The following NFIB variants were observed in gnomAD, a reference collection of about 807,000 sequenced individuals.
NFIB encodes the protein nuclear factor 1 B-type.
A neutral mutation model predicts 61.5 loss-of-function variants in NFIB; 11 were observed. The observed-to-expected ratio is 0.18, with a 90% CI of 0.11 to 0.30. The LOEUF (loss-of-function observed/expected upper bound fraction) is 0.30, where lower values mean the gene tolerates loss of function less well. Among genes scored for constraint, NFIB ranks in the 10% least tolerant of loss-of-function variants. The pLI is 1.00. For missense variants in NFIB, 471 were observed against 608.9 expected (o/e 0.77, Z 2.38); for synonymous variants, 260 against 216.5 (o/e 1.20, Z -1.76).
At chr9:14,331,042 AG>A (rs2060815603) in intron 1 of NFIB, among the ~76,000 whole-genome samples, 1 of 152,158 alleles carries the variant, frequency 6.6e-6, no homozygotes. Context: ...TGACCAATTT[AG>A]GCCAATGGCA....
chr9:14,251,188 T>C (rs1192129211), intron 2 of NFIB, among the ~76,000 whole-genome samples: 1 of 152,210 alleles, frequency 6.6e-6, no homozygotes, highest in East Asian at 1.9e-4. Flanking sequence ...TGGGTGTTTG[T>C]TTTACAAGAG....
chr9:14,462,082 G>A, the NFIB span, among the ~76,000 whole-genome samples: 3 of 152,254 alleles, frequency 2.0e-5, no homozygotes, highest in South Asian at 2.1e-4. Flanking sequence ...TGGAAGTTTC[G>A]CATTCCAGCT....
At chr9:14,353,760 C>T (rs2061142340) in intron 1 of NFIB, among the ~76,000 whole-genome samples, 2 of 151,982 alleles carry the variant, frequency 1.3e-5, no homozygotes, top group Non-Finnish European at 2.9e-5. Context: ...CCTTTTCTTC[C>T]ATTTGCTAAG....
intron 1 of NFIB, among the ~76,000 whole-genome samples, chr9:14,382,394 T>A (rs551832289): frequency 8.6e-5 from 13 of 151,986 alleles, no homozygotes; most frequent in Admixed American, 2.6e-4. Context: ...AGTCTGTCCA[T>A]TTGTGGTTCT....
At chr9:14,531,495 C>T in the NFIB span, among the ~76,000 whole-genome samples, 2 of 151,940 alleles carry the variant, frequency 1.3e-5, no homozygotes, top group Non-Finnish European at 2.9e-5. Flanking sequence ...ATGAGGGAGC[C>T]GCACACAACA....
intron 1 of NFIB, among the ~76,000 whole-genome samples, chr9:14,356,037 A>C (rs923988215): frequency 6.6e-6 from 1 of 151,920 alleles, no homozygotes; most frequent in Admixed American, 6.6e-5. Flanking sequence ...GCATTTTTGC[A>C]TTGCACTGGT....
At chr9:14,280,143 T>C (rs1343516964) in intron 2 of NFIB, among the ~76,000 whole-genome samples, 1 of 152,188 alleles carries the variant, frequency 6.6e-6, no homozygotes, top group East Asian at 1.9e-4. Context: ...AGGTTAGTCC[T>C]ATCCTGGATC....
At chr9:14,383,570 G>A (rs1169823219) in intron 1 of NFIB, among the ~76,000 whole-genome samples, 1 of 152,128 alleles carries the variant, frequency 6.6e-6, no homozygotes, top group African/African-American at 2.4e-5. Flanking sequence ...TTATAAGGGT[G>A]GTTTACTTTT....
intron 2 of NFIB, among the ~76,000 whole-genome samples, 176 bp downstream of exon 2, chr9:14,306,813 A>C (rs1416277347): frequency 6.6e-6 from 1 of 152,200 alleles, no homozygotes; most frequent in Admixed American, 6.5e-5. Flanking sequence ...GTGTCTATTT[A>C]CATGGCTCGC....
chr9:14,141,902 CAAAA>C (rs1207435536), intron 6 of NFIB, among the ~76,000 whole-genome samples: 10 of 53,582 alleles, frequency 1.9e-4, no homozygotes, highest in African/African-American at 5.8e-4. Flanking sequence ...CTGCTGCTCA[CAAAA>C]AAAAAAAAAA....
chr9:14,204,011 C>CT (rs1162970520), intron 2 of NFIB, among the ~76,000 whole-genome samples: 1 of 152,082 alleles, frequency 6.6e-6, no homozygotes, highest in Non-Finnish European at 1.5e-5. Context: ...AAAGCCAACA[C>CT]TTTCCCATTT....
chr9:14,476,571 C>T, the NFIB span, among the ~76,000 whole-genome samples: 1 of 152,182 alleles, frequency 6.6e-6, no homozygotes, highest in African/African-American at 2.4e-5. Context: ...TTTCTAGATG[C>T]TTTTTATTGC....
intron 1 of NFIB, among the ~76,000 whole-genome samples, chr9:14,332,408 C>G (rs2060833800): frequency 6.6e-6 from 1 of 150,698 alleles, no homozygotes; most frequent in Non-Finnish European, 1.5e-5. Flanking sequence ...ATAAAGTAGA[C>G]TGTGTTGTAG....
intron 2 of NFIB, among the ~76,000 whole-genome samples, chr9:14,184,930 T>A (rs567090900): frequency 6.6e-6 from 1 of 151,800 alleles, no homozygotes; most frequent in Admixed American, 6.6e-5. Flanking sequence ...GGCTGAGACA[T>A]GAGAATCACT....
intron 2 of NFIB, among the ~76,000 whole-genome samples, chr9:14,244,044 C>A (rs892030757): frequency 6.6e-6 from 1 of 152,180 alleles, no homozygotes; most frequent in African/African-American, 2.4e-5. Flanking sequence ...ACTAATCTAT[C>A]ATACGCAATA....
chr9:14,214,062 A>T (rs1443103115), intron 2 of NFIB, among the ~76,000 whole-genome samples: 1 of 151,950 alleles, frequency 6.6e-6, no homozygotes, highest in African/African-American at 2.4e-5. Flanking sequence ...GCCCTCCTCA[A>T]CCCTTCTTTA....
chr9:14,268,797 C>T (rs1389180991), intron 2 of NFIB, among the ~76,000 whole-genome samples: 2 of 152,176 alleles, frequency 1.3e-5, no homozygotes, highest in Non-Finnish European at 2.9e-5. Context: ...ATTTCTCTAA[C>T]CTTTAGCATG....
At chr9:14,463,746 C>T in the NFIB span, among the ~76,000 whole-genome samples, 2 of 145,124 alleles carry the variant, frequency 1.4e-5, no homozygotes, top group Non-Finnish European at 3.0e-5. Flanking sequence ...CCGCAAGCTC[C>T]GCCTCCCGGG....
At chr9:14,171,264 C>T (rs753332190) in intron 3 of NFIB, among the ~76,000 whole-genome samples, 4 of 152,204 alleles carry the variant, frequency 2.6e-5, no homozygotes, top group Admixed American at 6.5e-5. Context: ...CCTTCCTTTC[C>T]CCTTCTTCCA....
Sources: gnomAD v4.1 joint callset for allele counts (sites outside exome capture counted in the v4.1 genomes callset) on GRCh38, gnomAD v4.1.1 for gene constraint, MANE v1.5 for transcripts, NCBI Gene and HGNC (gene_info 2026-07-23, HGNC 2026-07-21) for gene names.